Variants in FLRT2 observed in about 807,000 individuals in gnomAD.
FLRT2 encodes the protein fibronectin leucine rich transmembrane protein 2.
In FLRT2, 15 loss-of-function variants were observed where a neutral mutation model predicts 40.0. The ratio of observed to expected loss-of-function variants is 0.38; its 90% CI spans 0.25 to 0.58. The LOEUF (loss-of-function observed/expected upper bound fraction) is 0.58. Ranked by LOEUF, FLRT2 falls within the 20% of genes least tolerant of loss-of-function variation. FLRT2 has a pLI of 0.71. For synonymous variants in FLRT2, 380 were observed against 336.8 expected, an observed-to-expected ratio of 1.13 and a Z score of -1.41; for missense variants, 726 against 840.0, an observed-to-expected ratio of 0.86 and a Z score of 1.68.
At chr14:85,572,857 T>C (rs1890953584) in intron 1 of FLRT2, among the ~76,000 whole-genome samples, 3 of 152,126 alleles carry the variant, frequency 2.0e-5, no homozygotes, top group African/African-American at 7.2e-5. Context: ...ACTTAGAGAG[T>C]TTGAGTAGCC....
chr14:85,541,058 A>G (rs1393343655), intron 1 of FLRT2, among the ~76,000 whole-genome samples: 3 of 152,190 alleles, frequency 2.0e-5, no homozygotes, highest in Admixed American at 6.6e-5. Context: ...AGTTTAGCAC[A>G]TATGTCCTTA....
In FLRT2 at chr14:85,652,997, GAACA is replaced by G. The variant is rs1894471383; in HGVS notation, c.*29503_*29506del. On this transcript the variant is annotated 3_prime_UTR_variant, in exon 2 of 2. Coordinates refer to ENST00000330753, the MANE Select transcript of FLRT2 (RefSeq NM_013231.6). Reference sequence around the variant, plus strand: ...GTGGAAGTTGCCTTTAACCACATGAGAACAAATAAGGGAATATTAAGGTTTTAAC... The same window carrying G: ...GTGGAAGTTGCCTTTAACCACATGAGAATAAGGGAATATTAAGGTTTTAAC... 1 of 152,030 alleles carries G rather than the reference GAACA, an allele frequency of 6.6e-6. No individual in the cohort carries two copies. The highest frequency in any genetic ancestry group is 1.5e-5 in the Non-Finnish European group (1 of 68,010). The allele number at this position is 152,030 out of a possible 1,614,324, so 9.4% of individuals were successfully genotyped here.
At chr14:85,618,643 A>G (rs2139364655) in intron 1 of FLRT2, among the ~76,000 whole-genome samples, 1 of 152,296 alleles carries the variant, frequency 6.6e-6, no homozygotes, top group East Asian at 1.9e-4. Flanking sequence ...TCTCCCGGGG[A>G]CAAAAGTGAT....
At chr14:85,618,618 T>A (rs537927229) in intron 1 of FLRT2, among the ~76,000 whole-genome samples, 2 of 152,186 alleles carry the variant, frequency 1.3e-5, no homozygotes, top group Non-Finnish European at 2.9e-5. Context: ...ACATATAAGA[T>A]GTTATTTGAG....
chr14:85,599,113 G>C (rs191941291), intron 1 of FLRT2, among the ~76,000 whole-genome samples: 34 of 151,420 alleles, frequency 2.2e-4, no homozygotes, highest in African/African-American at 6.1e-4. Context: ...GTAGAGACAG[G>C]TTTTCACTGT....
intron 1 of FLRT2, among the ~76,000 whole-genome samples, chr14:85,551,958 C>A (rs2139826727): frequency 6.6e-6 from 1 of 152,242 alleles, no homozygotes; most frequent in South Asian, 2.1e-4. Flanking sequence ...GGTCATGTCC[C>A]TTTCTGTTTT....
At chr14:85,537,217 A>T (rs1284331251) in intron 1 of FLRT2, among the ~76,000 whole-genome samples, 1 of 152,140 alleles carries the variant, frequency 6.6e-6, no homozygotes, top group East Asian at 1.9e-4. Flanking sequence ...TAGAAATTTC[A>T]ATTTTAGCCG....
chr14:85,543,738 G>T (rs997230874), intron 1 of FLRT2, among the ~76,000 whole-genome samples: 1 of 151,968 alleles, frequency 6.6e-6, no homozygotes, highest in Non-Finnish European at 1.5e-5. Flanking sequence ...CCTTTCCCAT[G>T]CTGTTTACCA....
At chr14:85,548,384 A>G (rs1477563501) in intron 1 of FLRT2, among the ~76,000 whole-genome samples, 1 of 152,246 alleles carries the variant, frequency 6.6e-6, no homozygotes, top group Non-Finnish European at 1.5e-5. Flanking sequence ...CTTTGAAAAT[A>G]GGAAGGTAGA....
intron 1 of FLRT2, chr14:85,562,564 T>C (rs1440298404): frequency 1.3e-5 from 2 of 151,784 alleles, no homozygotes; most frequent in African/African-American, 2.4e-5. Context: ...GGGTCTATAA[T>C]GTTAGTTACT....
At chr14:85,602,085 A>C (rs1892400571) in intron 1 of FLRT2, among the ~76,000 whole-genome samples, 1 of 152,200 alleles carries the variant, frequency 6.6e-6, no homozygotes, top group African/African-American at 2.4e-5. Context: ...TTTATTTATA[A>C]TGAAGGGTAG....
At position 85,622,713 on chromosome 14, in the gene FLRT2, C is replaced by G; in HGVS notation, c.1199C>G (p.Pro400Arg). ...AGCAGAAGCTACACGCCTCCAACTCCTACCACATCGAAACTTCCCACGATT... is the reference window on the plus strand; with the variant it reads ...AGCAGAAGCTACACGCCTCCAACTCGTACCACATCGAAACTTCCCACGATT... ...NPSRSYTPPTPTTSKLPTIPD... is the reference protein window; with the variant it reads ...NPSRSYTPPTRTTSKLPTIPD... Residue 400 changes from proline (P) to arginine (R), a missense_variant, in exon 2 of 2, where the codon CCT becomes CGT. By Grantham distance (103) the Pro-to-Arg change is moderately radical (BLOSUM62 -2). This residue lies in a region of FLRT2 where 611 missense variants were observed against 690.0 expected (regional missense o/e 0.89). Coordinates refer to ENST00000330753, the MANE Select transcript of FLRT2 (RefSeq NM_013231.6). 1 of 1,614,128 alleles carries G rather than the reference C, an allele frequency of 6.2e-7. No individual in the cohort carries two copies. The highest frequency in any genetic ancestry group is 8.5e-7 in the Non-Finnish European group (1 of 1,180,014).
At chr14:85,536,560 T>G (rs1461339384) in intron 1 of FLRT2, among the ~76,000 whole-genome samples, 1 of 152,296 alleles carries the variant, frequency 6.6e-6, no homozygotes, top group Non-Finnish European at 1.5e-5. Flanking sequence ...ATTACTTTAA[T>G]AACTTTGTGA....
Position 85,647,534 on chromosome 14 carries a change from G to A in FLRT2, c.*24037G>A, listed in dbSNP as rs1169685397. ...TGGAAGAATGTTTCTCTTCCAAGAG[G>A]ACACAACAATGATTCATTTGAACTC... On this transcript the variant is annotated 3_prime_UTR_variant, in exon 2 of 2. Coordinates refer to ENST00000330753, the MANE Select transcript of FLRT2 (RefSeq NM_013231.6). The A allele has an allele frequency of 2.0e-5, 3 of 152,178 alleles. No homozygotes were observed. Among genetic ancestry groups the A allele is most frequent in the African/African-American group, 7.2e-5 (3 of 41,460 alleles). 9.4% of individuals were successfully genotyped at this position (152,178 alleles called of 1,614,324 possible).
intron 1 of FLRT2, among the ~76,000 whole-genome samples, chr14:85,595,739 A>C (rs1021300990): frequency 1.3e-5 from 2 of 152,172 alleles, no homozygotes; most frequent in African/African-American, 2.4e-5. Context: ...AAGCCCTGAT[A>C]CAGAAGGACC....
chr14:85,631,971 G>C lies in FLRT2; in HGVS notation c.*8474G>C, dbSNP rs916056867. The C allele has an allele frequency of 6.6e-6, 1 of 151,736 alleles. No homozygotes were observed. Among genetic ancestry groups the C allele is most frequent in the Non-Finnish European group, 1.5e-5 (1 of 68,016 alleles). The allele number at this position is 151,736 out of a possible 1,614,324, so 9.4% of individuals were successfully genotyped here. On this transcript the variant is annotated 3_prime_UTR_variant, in exon 2 of 2. Coordinates refer to ENST00000330753, the MANE Select transcript of FLRT2 (RefSeq NM_013231.6). ...CTCCTGCGTAGCTGGGACTACAGGC[G>C]TGCACCACCATGCCTGGCTAATTTT... is the stretch of plus-strand genomic sequence containing the variant.
intron 1 of FLRT2, among the ~76,000 whole-genome samples, chr14:85,609,120 C>T (rs1892752203): frequency 6.6e-6 from 1 of 152,126 alleles, no homozygotes; most frequent in Non-Finnish European, 1.5e-5. Flanking sequence ...GCTCTGCACT[C>T]CTCCTTCCCA....
rs535479125 is a variant in FLRT2, at chr14:85,628,219, G to T, written c.*4722G>T. The T allele has an allele frequency of 6.6e-6, 1 of 152,246 alleles. No individual in the cohort carries two copies. Among genetic ancestry groups the T allele is most frequent in the South Asian group, 2.1e-4 (1 of 4,826 alleles). The allele number at this position is 152,246 out of a possible 1,614,324, so 9.4% of individuals were successfully genotyped here. A position where few individuals can be genotyped will look rare whatever the true frequency, so the allele number is the denominator to read the frequency against. ...ATTTTATACTGGTGAAATCTATGTTGTTTAGGATACAGATAATGTCATTGT... is the reference window on the plus strand; with the variant it reads ...ATTTTATACTGGTGAAATCTATGTTTTTTAGGATACAGATAATGTCATTGT... On this transcript the variant is annotated 3_prime_UTR_variant, in exon 2 of 2. Transcript: ENST00000330753.
At chr14:85,575,497 A>G (rs1488109345) in intron 1 of FLRT2, among the ~76,000 whole-genome samples, 2 of 152,178 alleles carry the variant, frequency 1.3e-5, no homozygotes, top group African/African-American at 4.8e-5. Context: ...ACCTGGGGAA[A>G]TAAAACAGTT....
Sources: allele counts gnomAD v4.1 joint callset (sites outside exome capture counted in the v4.1 genomes callset), GRCh38; gene constraint gnomAD v4.1.1; regional missense constraint gnomAD v4.1.1; transcripts MANE v1.5; gene names NCBI Gene and HGNC (gene_info 2026-07-23, HGNC 2026-07-21).